Variants in KIF26B observed in about 807,000 individuals in gnomAD.
KIF26B encodes kinesin-like protein KIF26B.
Under a neutral mutation model 151.2 loss-of-function variants are expected in KIF26B, and 63 were observed. The ratio of observed to expected loss-of-function variants is 0.42; its 90% CI spans 0.34 to 0.51. The LOEUF is 0.51. KIF26B is among the 20% of genes least tolerant of loss of function. The probability of loss-of-function intolerance (pLI) is 0.07; values close to 1 mark genes in which losing one functional copy is unlikely to be tolerated. For synonymous variants in KIF26B, 1,357 were observed against 1,262.1 expected, an observed-to-expected ratio of 1.08 and a Z score of -1.59; for missense variants, 2,813 against 2,913.6, an observed-to-expected ratio of 0.97 and a Z score of 0.79.
chr1:245,495,085 A>C lies in KIF26B; in HGVS notation c.1167-45682A>C, dbSNP rs1170494092. ...AAGAAAAGAAAGAGGAAATTCTGGA[A>C]CTTAAAAAATGAAATAATGGATATT... On this transcript the variant is annotated intron_variant, in intron 4 of 14. Coordinates refer to ENST00000407071, the MANE Select transcript of KIF26B (RefSeq NM_018012.4). The surrounding 1 kb of genome is among the most constrained non-coding windows in gnomAD (Gnocchi z 4.2). Among the ~76,000 whole-genome samples, 1 of 152,158 alleles carries C rather than the reference A, an allele frequency of 6.6e-6. No individual in the cohort carries two copies. Among genetic ancestry groups the C allele is most frequent in the Non-Finnish European group, 1.5e-5 (1 of 68,032 alleles).
chr1:245,169,824 T>C (rs1023363341), intron 2 of KIF26B, among the ~76,000 whole-genome samples: 2 of 152,082 alleles, frequency 1.3e-5, no homozygotes, highest in Non-Finnish European at 2.9e-5. Context: ...AGGAAGGAGA[T>C]AACAAAATGA....
At chr1:245,173,325 G>C (rs543126539) in intron 2 of KIF26B, among the ~76,000 whole-genome samples, 3 of 152,126 alleles carry the variant, frequency 2.0e-5, no homozygotes, top group Admixed American at 6.6e-5. Context: ...TGAGCTGCAC[G>C]CTGAAAAATT....
At chr1:245,378,370 T>C (rs1261263964) in intron 3 of KIF26B, among the ~76,000 whole-genome samples, 1 of 152,076 alleles carries the variant, frequency 6.6e-6, no homozygotes, top group Non-Finnish European at 1.5e-5. Context: ...GTGGCTATTA[T>C]CACCCAAGCA....
At chr1:245,330,385 A>C in intron 2 of KIF26B, among the ~76,000 whole-genome samples, 1 of 29,590 alleles carries the variant, frequency 3.4e-5, no homozygotes, top group East Asian at 1.2e-3. Flanking sequence ...GGTGCACCGC[A>C]TGTGTGAAGA....
intron 4 of KIF26B, among the ~76,000 whole-genome samples, chr1:245,519,938 G>T (rs1302732514): frequency 6.6e-6 from 1 of 152,132 alleles, no homozygotes; most frequent in Non-Finnish European, 1.5e-5. Flanking sequence ...TGCAGAACAA[G>T]TTTAAAATTG....
At chr1:245,546,891 G>T (rs1715806) in intron 5 of KIF26B, among the ~76,000 whole-genome samples, 51,796 of 152,152 alleles carry the variant, frequency 0.34, 9,048 homozygotes, top group Middle Eastern at 0.39. Flanking sequence ...AGAGTTGGGG[G>T]TGGTGGTTGT....
intron 2 of KIF26B, among the ~76,000 whole-genome samples, chr1:245,261,196 A>C (rs936509376): frequency 6.7e-5 from 10 of 150,044 alleles, no homozygotes; most frequent in African/African-American, 2.5e-4. Context: ...CCCAGGCTGG[A>C]GTGCAATGGT....
At chr1:245,209,437 A>T (rs1040083348) in intron 2 of KIF26B, among the ~76,000 whole-genome samples, 1 of 152,112 alleles carries the variant, frequency 6.6e-6, no homozygotes, top group African/African-American at 2.4e-5. Context: ...AAAAAAGAAA[A>T]CATTAACAAA....
intron 5 of KIF26B, among the ~76,000 whole-genome samples, chr1:245,600,306 G>A (rs58672916): frequency 6.3e-5 from 9 of 143,532 alleles, no homozygotes; most frequent in Middle Eastern, 7.0e-3. Flanking sequence ...CCAAAGTGCT[G>A]GGATTACAGG....
chr1:245,487,098 A>AT (rs1660298481), intron 4 of KIF26B, among the ~76,000 whole-genome samples: 1 of 141,716 alleles, frequency 7.1e-6, no homozygotes, highest in African/African-American at 2.7e-5. Flanking sequence ...AGAATTGAGA[A>AT]TGGGGGGGGT....
At chr1:245,199,240 T>C (rs1398709897) in intron 2 of KIF26B, among the ~76,000 whole-genome samples, 2 of 152,072 alleles carry the variant, frequency 1.3e-5, no homozygotes, top group African/African-American at 4.8e-5. Flanking sequence ...CTTACACTTG[T>C]TCCTGGTAGG....
At chr1:245,265,274 G>A (rs562094661) in intron 2 of KIF26B, among the ~76,000 whole-genome samples, 3 of 150,278 alleles carry the variant, frequency 2.0e-5, no homozygotes, top group African/African-American at 2.4e-5. Flanking sequence ...GTTATGACAC[G>A]ATGTTATTAA....
chr1:245,514,851 G>GT (rs1171559330), intron 4 of KIF26B, among the ~76,000 whole-genome samples: 1 of 152,178 alleles, frequency 6.6e-6, no homozygotes, highest in African/African-American at 2.4e-5. Flanking sequence ...ACCTCATTAG[G>GT]TTTTTCGAGA....
intron 2 of KIF26B, among the ~76,000 whole-genome samples, chr1:245,177,316 A>G (rs1558335129): frequency 1.3e-5 from 2 of 152,186 alleles, no homozygotes; most frequent in East Asian, 3.9e-4. Context: ...CTAGGATAAC[A>G]CTATCTCTTA....
At chr1:245,619,982 G>A (rs1423438570) in intron 9 of KIF26B, among the ~76,000 whole-genome samples, 34 of 151,888 alleles carry the variant, frequency 2.2e-4, no homozygotes, top group Non-Finnish European at 1.5e-5. Context: ...GATTCGGGAA[G>A]AGTAAGACCA....
chr1:245,670,010 C>A (rs555229071), intron 10 of KIF26B, among the ~76,000 whole-genome samples: 2 of 152,018 alleles, frequency 1.3e-5, no homozygotes, highest in African/African-American at 4.8e-5. Context: ...AGGATTAAAA[C>A]GCTACATTTT....
intron 5 of KIF26B, among the ~76,000 whole-genome samples, chr1:245,545,483 G>A (rs371673726): frequency 6.6e-6 from 1 of 152,134 alleles, no homozygotes; most frequent in Non-Finnish European, 1.5e-5. Context: ...AATGGACAAG[G>A]CAGAGCACCT....
At chr1:245,484,770 T>A (rs201654473) in intron 4 of KIF26B, among the ~76,000 whole-genome samples, 61 of 125,864 alleles carry the variant, frequency 4.8e-4, no homozygotes, top group Admixed American at 4.2e-3. Context: ...CTTCTTCATA[T>A]TATTATTATT....
chr1:245,423,826 G>A (rs1315518881), intron 4 of KIF26B, among the ~76,000 whole-genome samples: 1 of 151,996 alleles, frequency 6.6e-6, no homozygotes, highest in South Asian at 2.1e-4. Context: ...TATTTAAAAT[G>A]TATTTATTTT....
Sources: gnomAD v4.1 joint callset for allele counts (sites outside exome capture counted in the v4.1 genomes callset) on GRCh38, gnomAD v4.1.1 for gene constraint, Gnocchi (gnomAD v3.1) non-coding constraint, MANE v1.5 for transcripts, NCBI Gene and HGNC (gene_info 2026-07-23, HGNC 2026-07-21) for gene names.